MTUS2: variants seen among roughly 807,000 people sequenced by gnomAD.
The protein encoded by MTUS2 is microtubule associated scaffold protein 2.
Under a neutral mutation model 114.1 loss-of-function variants are expected in MTUS2, and 40 were observed. That is an observed-to-expected ratio of 0.35 (90% CI 0.27 to 0.46). The LOEUF (loss-of-function observed/expected upper bound fraction) is 0.46, where lower values mean the gene tolerates loss of function less well. MTUS2 is among the 20% of genes least tolerant of loss of function. The pLI, the probability that MTUS2 is intolerant of heterozygous loss-of-function variation, is 1.00. For missense variants in MTUS2, 1,679 were observed against 1,705.4 expected, an observed-to-expected ratio of 0.98 and a Z score of 0.27; for synonymous variants, 688 against 672.0, an observed-to-expected ratio of 1.02 and a Z score of -0.37.
At chr13:29,188,830 G>C (rs75009451) in intron 5 of MTUS2, among the ~76,000 whole-genome samples, 1,641 of 152,282 alleles carry the variant, frequency 0.011, 26 homozygotes, top group African/African-American at 0.038. Context: ...CATGCAGTGA[G>C]GGACTCCCCC....
At chr13:28,871,441 T>C (rs966893947) in intron 2 of MTUS2, among the ~76,000 whole-genome samples, 1 of 152,190 alleles carries the variant, frequency 6.6e-6, no homozygotes, top group Non-Finnish European at 1.5e-5. Context: ...TAATGAGCAC[T>C]TATTTTATAA....
intron 2 of MTUS2, among the ~76,000 whole-genome samples, chr13:28,994,893 C>T (rs1416074599): frequency 5.9e-5 from 9 of 152,146 alleles, no homozygotes; most frequent in Non-Finnish European, 1.0e-4. Context: ...TGTGCAGAAG[C>T]TCTTTAGTTT....
At chr13:29,355,228 C>T (rs1869640434) in intron 7 of MTUS2, among the ~76,000 whole-genome samples, 1 of 152,198 alleles carries the variant, frequency 6.6e-6, no homozygotes, top group African/African-American at 2.4e-5. Context: ...GCACGCAACG[C>T]CTAGCCTTTG....
intron 8 of MTUS2, among the ~76,000 whole-genome samples, chr13:29,366,414 T>C (rs1335712054): frequency 6.6e-6 from 1 of 152,064 alleles, no homozygotes; most frequent in Non-Finnish European, 1.5e-5. Flanking sequence ...CATGTGGGAA[T>C]TGTGGAAGCT....
At chr13:29,225,637 C>A (rs564190571) in intron 5 of MTUS2, among the ~76,000 whole-genome samples, 7 of 152,314 alleles carry the variant, frequency 4.6e-5, no homozygotes, top group South Asian at 4.1e-4. Context: ...GAAATGAATT[C>A]TCTTTAGTTT....
chr13:29,488,424 T>C (rs974961335), intron 11 of MTUS2, among the ~76,000 whole-genome samples: 2 of 146,222 alleles, frequency 1.4e-5, no homozygotes, highest in Admixed American at 6.9e-5. Context: ...AATCGTGCAC[T>C]TTTTTTTTTC....
chr13:29,067,875 C>G (rs1888733738), intron 4 of MTUS2, among the ~76,000 whole-genome samples: 1 of 152,182 alleles, frequency 6.6e-6, no homozygotes, highest in Non-Finnish European at 1.5e-5. Flanking sequence ...AACACTGATT[C>G]TTCTAAGACC....
At chr13:29,338,514 G>A (rs367765864) in intron 7 of MTUS2, among the ~76,000 whole-genome samples, 88 of 152,202 alleles carry the variant, frequency 5.8e-4, no homozygotes, top group African/African-American at 2.0e-3. Context: ...CGCTTGAACC[G>A]GGGAGGCGGA....
chr13:29,474,244 A>T (rs1880529933), intron 9 of MTUS2, among the ~76,000 whole-genome samples: 1 of 152,206 alleles, frequency 6.6e-6, no homozygotes, highest in Non-Finnish European at 1.5e-5. Flanking sequence ...ACAACAGTGC[A>T]GTTCAGGGAC....
chr13:29,047,510 CTCT>C (rs1481972565), intron 4 of MTUS2, among the ~76,000 whole-genome samples: 13 of 138,506 alleles, frequency 9.4e-5, no homozygotes, highest in African/African-American at 3.2e-4. Context: ...ATAAAATTTA[CTCT>C]TTTTTTTTTT....
chr13:29,172,715 A>C lies in MTUS2; in HGVS notation c.2644+71745A>C, dbSNP rs561991547. The stretch of plus-strand genomic sequence containing the variant: ...CAATTAAAAATTGAGTATCTACCAA[A>C]GGCCAGGAACTAGATTAGGGACAAG... On this transcript the variant is annotated intron_variant, in intron 5 of 15. Coordinates refer to ENST00000612955, the MANE Select transcript of MTUS2 (RefSeq NM_001033602.4). Among the ~76,000 whole-genome samples the C allele has an allele frequency of 3.3e-5, 5 of 152,336 alleles. No homozygotes were observed. In the South Asian group the frequency reaches 1.0e-3, roughly 32 times the overall value.
chr13:29,249,656 T>G (rs971656460), intron 5 of MTUS2, among the ~76,000 whole-genome samples: 1 of 152,234 alleles, frequency 6.6e-6, no homozygotes, highest in Non-Finnish European at 1.5e-5. Flanking sequence ...TTGATGGGGT[T>G]GTTTTTTCTT....
intron 4 of MTUS2, among the ~76,000 whole-genome samples, chr13:29,069,205 G>A (rs1234108312): frequency 1.3e-5 from 2 of 152,170 alleles, no homozygotes; most frequent in Admixed American, 1.3e-4. Context: ...TGGTTATGGA[G>A]GCTGAGAAGT....
At chr13:29,097,118 C>T (rs1489094670) in intron 4 of MTUS2, among the ~76,000 whole-genome samples, 1 of 148,726 alleles carries the variant, frequency 6.7e-6, no homozygotes, top group Non-Finnish European at 1.5e-5. Flanking sequence ...GGAAACCCAT[C>T]CTTTTGGCCA....
chr13:28,998,407 C>T (rs988886686), intron 2 of MTUS2, among the ~76,000 whole-genome samples: 2 of 152,094 alleles, frequency 1.3e-5, no homozygotes, highest in Admixed American at 6.6e-5. Flanking sequence ...TTGTGGCGTT[C>T]TCTGTATTTC....
At chr13:29,441,334 G>A (rs1338294608) in intron 9 of MTUS2, among the ~76,000 whole-genome samples, 3 of 152,186 alleles carry the variant, frequency 2.0e-5, no homozygotes, top group East Asian at 1.9e-4. Flanking sequence ...AAAGAGGAGC[G>A]GGAGGGGAGA....
At chr13:29,033,334 A>G (rs1188007981) in intron 3 of MTUS2, among the ~76,000 whole-genome samples, 2 of 152,158 alleles carry the variant, frequency 1.3e-5, no homozygotes, top group Non-Finnish European at 2.9e-5. Flanking sequence ...CAGATCTGAA[A>G]ATACATTTTC....
intron 4 of MTUS2, among the ~76,000 whole-genome samples, chr13:29,040,868 A>C (rs769316816): frequency 6.6e-5 from 10 of 152,136 alleles, no homozygotes; most frequent in Non-Finnish European, 7.3e-5. Flanking sequence ...CCTTTGTCAG[A>C]TGCATAGTTT....
At chr13:29,193,817 G>A (rs1188608651) in intron 5 of MTUS2, among the ~76,000 whole-genome samples, 1 of 152,056 alleles carries the variant, frequency 6.6e-6, no homozygotes, top group African/African-American at 2.4e-5. Context: ...CAAAGCTGGA[G>A]GCATCACACT....
Sources: allele counts gnomAD v4.1 joint callset (sites outside exome capture counted in the v4.1 genomes callset), GRCh38; gene constraint gnomAD v4.1.1; transcripts MANE v1.5; gene names NCBI Gene and HGNC (gene_info 2026-07-23, HGNC 2026-07-21).